Variants in KANTR observed in about 807,000 individuals in gnomAD.
KANTR encodes the protein KDM5C adjacent transcript.
At chrX:53,106,148 C>T (rs983379210) in intron 2 of KANTR, among the ~76,000 whole-genome samples, 13 of 109,472 alleles carry the variant, frequency 1.2e-4, no homozygotes, top group Admixed American at 1.9e-4. Context: ...TGAGCCACCG[C>T]GCCTGGCCAG....
chrX:53,132,297 A>T (rs937862406), downstream of KANTR, among the ~76,000 whole-genome samples: 4 of 111,707 alleles, frequency 3.6e-5, no homozygotes, highest in Admixed American at 2.9e-4. Flanking sequence ...GTGTGTAGAA[A>T]CCCTGGGTAG....
intron 1 of KANTR, among the ~76,000 whole-genome samples, chrX:53,095,312 C>A (rs1932838534): frequency 8.9e-6 from 1 of 111,911 alleles, no homozygotes; most frequent in South Asian, 3.7e-4. Flanking sequence ...ATCCTGAAAT[C>A]CTTTGACCAG....
At chrX:53,129,624 A>G (rs1933336823), downstream of KANTR, among the ~76,000 whole-genome samples, 1 of 110,003 alleles carries the variant, frequency 9.1e-6, no homozygotes, top group African/African-American at 3.3e-5. Flanking sequence ...TTACTGTTGC[A>G]AAGTCTACTG....
At chrX:53,098,811 G>A (rs1246577586) in intron 1 of KANTR, among the ~76,000 whole-genome samples, 2 of 109,631 alleles carry the variant, frequency 1.8e-5, no homozygotes, top group Non-Finnish European at 3.8e-5. Flanking sequence ...CTGCGGCCTC[G>A]ACCTCCCAGG....
At chrX:53,143,585 G>C, downstream of KANTR, 1 of 638,984 alleles carries the variant, frequency 1.6e-6, no homozygotes, top group South Asian at 2.2e-5. Flanking sequence ...CTTGGGGTTC[G>C]AGGGGCCTCG....
Position 53,108,377 on chromosome X carries a change from T to G in KANTR, c.-805+8769T>G, listed in dbSNP as rs183687748. ...CTACCACACCCAGCTAATTTTTGTA[T>G]TTTTAGTAGCCATGGGGTTTTGCCA... On this transcript the variant is annotated intron_variant, in intron 2 of 2. Transcript: ENST00000604062. Among the ~76,000 whole-genome samples, 338 of 108,945 alleles carry G rather than the reference T, an allele frequency of 3.1e-3. 2 individuals carry two copies. Among genetic ancestry groups the G allele is most frequent in the Non-Finnish European group, 5.0e-3 (262 of 52,464 alleles). The allele number at this position is 108,945 out of a possible 115,157, so 94.6% of individuals were successfully genotyped here.
At chrX:53,097,353 T>TTTTTG (rs1267790785) in intron 1 of KANTR, among the ~76,000 whole-genome samples, 2 of 82,870 alleles carry the variant, frequency 2.4e-5, no homozygotes, top group African/African-American at 8.0e-5. Flanking sequence ...GTTTTAAGTT[T>TTTTTG]TTTTTTTTTT....
At chrX:53,126,761 C>T (rs950849444) in exon 3 of KANTR, 13 of 111,570 alleles carry the variant, frequency 1.2e-4, no homozygotes, top group African/African-American at 4.2e-4. Flanking sequence ...TTTCGTTTTC[C>T]TTGGAGCTAA....
At chrX:53,110,886 G>A (rs1356098572) in intron 2 of KANTR, among the ~76,000 whole-genome samples, 1 of 108,280 alleles carries the variant, frequency 9.2e-6, no homozygotes, top group East Asian at 2.9e-4. Context: ...TTGCGCCACT[G>A]CACTCCAGCC....
At chrX:53,101,208 C>T (rs1387990172) in intron 2 of KANTR, among the ~76,000 whole-genome samples, 6 of 113,082 alleles carry the variant, frequency 5.3e-5, no homozygotes, top group South Asian at 7.1e-4. Context: ...GCATTCACAA[C>T]TTGGCTAACT....
downstream of KANTR, among the ~76,000 whole-genome samples, chrX:53,147,206 C>T (rs1933588949): frequency 1.8e-5 from 2 of 111,739 alleles, no homozygotes; most frequent in African/African-American, 6.5e-5. Flanking sequence ...CATCAGTGTG[C>T]TGTATTCAGG....
downstream of KANTR, among the ~76,000 whole-genome samples, chrX:53,144,657 C>T (rs1933549732): frequency 9.0e-6 from 1 of 110,502 alleles, no homozygotes; most frequent in Admixed American, 9.6e-5. Context: ...GATTGCACCA[C>T]TGTAAAGAAA....
At chrX:53,129,027 C>G (rs1045531373), downstream of KANTR, among the ~76,000 whole-genome samples, 1 of 107,531 alleles carries the variant, frequency 9.3e-6, no homozygotes, top group Non-Finnish European at 1.9e-5. Flanking sequence ...TCTTCTTTTA[C>G]CTCAGATGTC....
intron 2 of KANTR, among the ~76,000 whole-genome samples, chrX:53,118,941 G>A (rs1389316310): frequency 1.8e-5 from 2 of 110,484 alleles, no homozygotes; most frequent in Non-Finnish European, 3.8e-5. Context: ...TGTTCTTTAT[G>A]TGGATCCTCA....
exon 3 of KANTR, chrX:53,124,379 A>C (rs1404523923): frequency 1.4e-5 from 4 of 295,192 alleles, no homozygotes; most frequent in Non-Finnish European, 2.4e-5. Flanking sequence ...TCAAAGAACC[A>C]ACTTTTGGCT....
At chrX:53,101,425 G>T (rs1932892312) in intron 2 of KANTR, among the ~76,000 whole-genome samples, 2 of 111,554 alleles carry the variant, frequency 1.8e-5, no homozygotes, top group Non-Finnish European at 3.8e-5. Flanking sequence ...GGGCAACATG[G>T]CAAGACCCTG....
intron 1 of KANTR, among the ~76,000 whole-genome samples, chrX:53,095,464 G>A (rs1374406603): frequency 9.1e-6 from 1 of 109,580 alleles, no homozygotes; most frequent in Non-Finnish European, 1.9e-5. Context: ...TTTTAATAAG[G>A]TGTATTTTGA....
At chrX:53,126,957 C>T (rs1260216730) in exon 3 of KANTR, 1 of 111,422 alleles carries the variant, frequency 9.0e-6, no homozygotes, top group African/African-American at 3.3e-5. Context: ...AATCTGGTTC[C>T]CTTTACCTCT....
intron 2 of KANTR, among the ~76,000 whole-genome samples, chrX:53,114,916 T>C (rs782809030): frequency 1.8e-5 from 2 of 109,797 alleles, no homozygotes; most frequent in Admixed American, 9.6e-5. Context: ...CCTTTGGCCA[T>C]GAGGACCACC....
Sources: gnomAD v4.1 joint callset for allele counts (sites outside exome capture counted in the v4.1 genomes callset) on GRCh38, gnomAD v4.1.1 for gene constraint, MANE v1.5 for transcripts, NCBI Gene and HGNC (gene_info 2026-07-23, HGNC 2026-07-21) for gene names.